The following KIF20A variants were observed in gnomAD, a reference collection of about 807,000 sequenced individuals.
KIF20A encodes kinesin-like protein KIF20A.
A neutral mutation model predicts 113.0 loss-of-function variants in KIF20A; 66 were observed. The observed-to-expected ratio is 0.58, with a 90% CI of 0.48 to 0.72. The LOEUF is 0.72. Among genes scored for constraint, KIF20A ranks in the 30% least tolerant of loss-of-function variants. The pLI is 0.00. For synonymous variants in KIF20A, 376 were observed against 402.3 expected, an observed-to-expected ratio of 0.93 and a Z score of 0.78; for missense variants, 927 against 1,077.6, an observed-to-expected ratio of 0.86 and a Z score of 1.96.
intron 2 of KIF20A, among the ~76,000 whole-genome samples, chr5:138,180,538 C>T (rs1173241628): frequency 2.0e-5 from 3 of 152,168 alleles, no homozygotes; most frequent in East Asian, 1.9e-4. Flanking sequence ...ATTTTGTGCT[C>T]TTATAGAGTT....
rs777969421 is a variant in KIF20A, at chr5:138,187,410, C to T, written c.2670C>T (p.Tyr890=). 1 of 1,611,264 alleles carries T rather than the reference C, an allele frequency of 6.2e-7. No homozygotes were observed. Among genetic ancestry groups the T allele is most frequent in the East Asian group, 2.2e-5 (1 of 44,848 alleles). The part of the protein sequence containing the change: ...LLKSGPFGKK[Y] ...AATCTGGGCCTTTTGGCAAAAAGTACTAAGGCTGTGGGGAAAGAGAAGAGC... is the reference window on the plus strand; with the variant it reads ...AATCTGGGCCTTTTGGCAAAAAGTATTAAGGCTGTGGGGAAAGAGAAGAGC... The change falls in exon 19 of 19, where the codon TAC becomes TAT. Residue 890 remains tyrosine, a synonymous_variant. Coordinates refer to ENST00000394894, the MANE Select transcript of KIF20A (RefSeq NM_005733.3).
In KIF20A at chr5:138,183,987, T is replaced by C; in HGVS notation, c.1234T>C (p.Ser412Pro). The C allele has an allele frequency of 1.9e-6, 3 of 1,614,158 alleles. No individual in the cohort carries two copies. The highest frequency in any genetic ancestry group is 2.5e-6 in the Non-Finnish European group (3 of 1,180,028). Residue 412 changes from serine (S) to proline (P), a missense_variant, in exon 11 of 19, where the codon TCA becomes CCA. Transcript: ENST00000394894. The surrounding 1 kb of genome is among the most constrained non-coding windows in gnomAD (Gnocchi z 5.2). ...GCTGTCACTCTGTGATCTGGCTGGCTCAGAGCGCTGCAAAGATCAGAAGAG... is the reference window on the plus strand; with the variant it reads ...GCTGTCACTCTGTGATCTGGCTGGCCCAGAGCGCTGCAAAGATCAGAAGAG... ...SELSLCDLAG[S>P]ERCKDQKSGE...
At chr5:138,182,512 T>C (rs1274006226) in intron 5 of KIF20A, 51 bp downstream of exon 5, 1 of 1,612,204 alleles carries the variant, frequency 6.2e-7, no homozygotes, top group Admixed American at 1.7e-5. Context: ...ATGGTGTTGT[T>C]TTTACCTTTT....
In KIF20A at chr5:138,187,586, T is replaced by C; in HGVS notation, c.*173T>C. The C allele has an allele frequency of 1.9e-6, 1 of 518,144 alleles. No individual in the cohort carries two copies. Among genetic ancestry groups the C allele is most frequent in the Non-Finnish European group, 3.3e-6 (1 of 300,724 alleles). 32.1% of individuals were successfully genotyped at this position (518,144 alleles called of 1,614,324 possible). A position where few individuals can be genotyped will look rare whatever the true frequency, so the allele number is the denominator to read the frequency against. ...TTATAACCACCTATGTAATCTCATGTTGTTGTTTTTTTTTATTTACTTATA... is the reference window on the plus strand; with the variant it reads ...TTATAACCACCTATGTAATCTCATGCTGTTGTTTTTTTTTATTTACTTATA... On this transcript the variant is annotated 3_prime_UTR_variant, in exon 19 of 19. Transcript: ENST00000394894.
In KIF20A at chr5:138,182,793, G is replaced by A. The variant is rs1754682098; in HGVS notation, c.702+20G>A. On this transcript the variant is annotated intron_variant, in intron 6 of 18. Coordinates refer to ENST00000394894, the MANE Select transcript of KIF20A (RefSeq NM_005733.3). Reference sequence around the variant, plus strand: ...CAAGAGGTAAAGCATTGGTATCCATGGCAGTGGGGGTAGGGGGTACAAATC... The same window carrying A: ...CAAGAGGTAAAGCATTGGTATCCATAGCAGTGGGGGTAGGGGGTACAAATC... 1 of 1,613,594 alleles carries A rather than the reference G, an allele frequency of 6.2e-7. No homozygotes were observed. Among genetic ancestry groups the A allele is most frequent in the African/African-American group, 1.3e-5 (1 of 75,044 alleles).
At chr5:138,186,940 C>T (rs1262356430) in intron 18 of KIF20A, among the ~76,000 whole-genome samples, 156 bp from the exon 19 acceptor site, 5 of 152,194 alleles carry the variant, frequency 3.3e-5, no homozygotes, top group Admixed American at 6.5e-5. Context: ...AAAATGTCCC[C>T]TTATTCAGTT....
In KIF20A at chr5:138,179,661, C is replaced by A; in HGVS notation, c.-20C>A. 6.2e-7 allele frequency: 1 copy of A among 1,613,324 alleles called. No homozygotes were observed. Among genetic ancestry groups the A allele is most frequent in the South Asian group, 1.1e-5 (1 of 91,052 alleles). ...GCCCACTTTTTGGTCTCTTTTTAGA[C>A]CTAGGCTGCCCCTGCCGTCATGTCG... On this transcript the variant is annotated splice_region_variant and 5_prime_UTR_variant, in exon 2 of 19. Transcript: ENST00000394894.
chr5:138,187,447 T>C lies in KIF20A; in HGVS notation c.*34T>C. The stretch of plus-strand genomic sequence containing the variant: ...GGAAAGAGAAGAGCAGTCATGGCCC[T>C]GAGGTGGGTCAGCTACTCTCCTGAA... On this transcript the variant is annotated 3_prime_UTR_variant, in exon 19 of 19. Coordinates refer to ENST00000394894, the MANE Select transcript of KIF20A (RefSeq NM_005733.3). The C allele has an allele frequency of 1.3e-6, 2 of 1,566,066 alleles. No individual in the cohort carries two copies. Among genetic ancestry groups the C allele is most frequent in the Non-Finnish European group, 1.7e-6 (2 of 1,148,950 alleles).
intron 2 of KIF20A, among the ~76,000 whole-genome samples, chr5:138,181,160 A>G (rs1389095235): frequency 6.6e-6 from 1 of 152,252 alleles, no homozygotes; most frequent in Non-Finnish European, 1.5e-5. Flanking sequence ...ACTAATTTTC[A>G]TACCAGTCAA....
chr5:138,185,910 C>T (rs369054137), intron 16 of KIF20A, 51 bp from the exon 17 acceptor site: 2 of 1,535,284 alleles, frequency 1.3e-6, no homozygotes, highest in Non-Finnish European at 1.8e-6. Flanking sequence ...GAGGTTAGTC[C>T]AAGGCTAAAA....
In KIF20A at chr5:138,183,412, G is replaced by GA; in HGVS notation, c.1027+50dup. On this transcript the variant is annotated intron_variant, in intron 8 of 18. Transcript: ENST00000394894. This position sits in a 1 kb window ranked among gnomAD's most constrained non-coding sequence, Gnocchi z 5.2. ...GCATGAACCCTGGAGGGCAACTGGG[G>GA]AGAGACTGGCAAAAGAGTTGGATGT... The GA allele has an allele frequency of 6.2e-7, 1 of 1,612,478 alleles. No homozygotes were observed. Among genetic ancestry groups the GA allele is most frequent in the Non-Finnish European group, 8.5e-7 (1 of 1,178,562 alleles).
intron 1 of KIF20A, 40 bp from the exon 2 acceptor site, chr5:138,179,620 A>G (rs1489627262): frequency 4.4e-6 from 7 of 1,593,346 alleles, no homozygotes; most frequent in Non-Finnish European, 6.0e-6. Context: ...TTCTGTCCCT[A>G]AAGGTTCTTC....
At chr5:138,179,964 T>C in intron 2 of KIF20A, 119 bp downstream of exon 2, 1 of 1,045,148 alleles carries the variant, frequency 9.6e-7, no homozygotes, top group Non-Finnish European at 1.3e-6. Context: ...CAATTCAAAA[T>C]TAAGGGCATT....
chr5:138,182,094 G>A (rs990371273), intron 4 of KIF20A, among the ~76,000 whole-genome samples: 1 of 152,164 alleles, frequency 6.6e-6, no homozygotes, highest in African/African-American at 2.4e-5. Flanking sequence ...TGCAGCATCA[G>A]GCCTAGGGCA....
rs751431478 is a variant in KIF20A at position 138,186,310 on chromosome 5, G to A, written c.2234G>A (p.Arg745Gln). 23 of 1,597,070 alleles carry A rather than the reference G, an allele frequency of 1.4e-5. No individual in the cohort carries two copies. The highest frequency in any genetic ancestry group is 1.9e-5 in the Non-Finnish European group (22 of 1,176,204). Residue 745 changes from arginine (R) to glutamine (Q), a missense_variant, in exon 18 of 19, where the codon CGG (arginine) becomes CAG (glutamine). Transcript: ENST00000394894. Reference protein sequence around the residue: ...EEGQKNIRLLRTELQKLGESL... With the variant: ...EEGQKNIRLLQTELQKLGESL... ...CTTTTTCAGAATATAAGGCTGTTGC[G>A]GACAGAGCTTCAGAAACTTGGTGAG...
At chr5:138,179,872 C>T (rs903983000) in intron 2 of KIF20A, 27 bp downstream of exon 2, 6 of 1,610,290 alleles carry the variant, frequency 3.7e-6, no homozygotes, top group African/African-American at 1.3e-5. Flanking sequence ...GTGGCTGGGG[C>T]GGAAAGTGAT....
At chr5:138,184,708 C>T (rs1754716205) in intron 13 of KIF20A, 32 bp downstream of exon 13, 1 of 1,611,414 alleles carries the variant, frequency 6.2e-7, no homozygotes, top group Non-Finnish European at 8.5e-7. Context: ...AGTGTAGCAG[C>T]TTAGTAGCTA....
intron 3 of KIF20A, 33 bp from the exon 4 acceptor site, chr5:138,181,576 C>T (rs1338611192): frequency 1.2e-6 from 2 of 1,614,008 alleles, no homozygotes; most frequent in Non-Finnish European, 1.7e-6. Context: ...CCAGGAATGC[C>T]TTCTGTGACA....
In KIF20A at chr5:138,181,549, T is replaced by A. The variant is rs769659667; in HGVS notation, c.255+38T>A. ...GAAGGGAGGATTCAAGGTGAAATGA[T>A]GCAGTACAAAAGATTCCCAGGAATG... On this transcript the variant is annotated intron_variant, in intron 3 of 18. Coordinates refer to ENST00000394894, the MANE Select transcript of KIF20A (RefSeq NM_005733.3). The A allele has an allele frequency of 2.5e-6, 4 of 1,613,916 alleles. No individual in the cohort carries two copies. The Admixed American group carries it at 6.7e-5, about 27-fold the overall frequency.
Sources: allele counts gnomAD v4.1 joint callset (sites outside exome capture counted in the v4.1 genomes callset), GRCh38; gene constraint gnomAD v4.1.1; non-coding constraint Gnocchi (gnomAD v3.1); transcripts MANE v1.5; gene names NCBI Gene and HGNC (gene_info 2026-07-23, HGNC 2026-07-21).